The following VPS13B variants were observed in gnomAD, a reference collection of about 807,000 sequenced individuals.
The protein encoded by VPS13B is intermembrane lipid transfer protein VPS13B.
In VPS13B, 285 loss-of-function variants were observed where a neutral mutation model predicts 426.4. The ratio of observed to expected loss-of-function variants is 0.67; its 90% CI spans 0.61 to 0.74. The LOEUF (loss-of-function observed/expected upper bound fraction) is 0.74. VPS13B is among the 30% of genes least tolerant of loss of function. The pLI, the probability that VPS13B is intolerant of heterozygous loss-of-function variation, is 0.00. For missense variants in VPS13B, 4,537 were observed against 4,782.6 expected (o/e 0.95, Z 1.51); for synonymous variants, 1,676 against 1,676.4 (o/e 1.00, Z 0.01).
intron 14 of VPS13B, among the ~76,000 whole-genome samples, chr8:99,150,573 G>T (rs953794434): frequency 2.0e-5 from 3 of 152,132 alleles, no homozygotes; most frequent in Non-Finnish European, 4.4e-5. Flanking sequence ...GGCAACCACT[G>T]ATCTTTTTAC....
rs763771877 is a variant in VPS13B, at chr8:99,575,812, A to T, written c.5076+28A>T. On this transcript the variant is annotated intron_variant, in intron 32 of 61. Transcript: ENST00000357162. The stretch of plus-strand genomic sequence containing the variant: ...TAGAACATAATTTTGATTTTATTTT[A>T]GTCTAAATAATGGAATTGCTCCTCT... The T allele has an allele frequency of 3.1e-6, 5 of 1,606,268 alleles. No homozygotes were observed. In the African/African-American group the frequency reaches 5.4e-5, roughly 17 times the overall value.
At chr8:99,372,548 C>A (rs1259570150) in intron 19 of VPS13B, among the ~76,000 whole-genome samples, 4 of 152,102 alleles carry the variant, frequency 2.6e-5, no homozygotes, top group Non-Finnish European at 5.9e-5. Context: ...ATGTGGCCAA[C>A]AAACATATGA....
At chr8:99,268,798 G>T (rs1360095419) in intron 17 of VPS13B, among the ~76,000 whole-genome samples, 1 of 152,030 alleles carries the variant, frequency 6.6e-6, no homozygotes, top group Non-Finnish European at 1.5e-5. Flanking sequence ...ATGGGATTTT[G>T]GGGGGGCCAG....
chr8:99,311,257 A>T (rs1017817321), intron 19 of VPS13B, among the ~76,000 whole-genome samples: 1 of 151,898 alleles, frequency 6.6e-6, no homozygotes, highest in African/African-American at 2.4e-5. Context: ...TTTAATTGTG[A>T]TGTTACAGTG....
chr8:99,157,680 A>G (rs763525571), intron 15 of VPS13B, among the ~76,000 whole-genome samples: 7 of 152,226 alleles, frequency 4.6e-5, no homozygotes, highest in Non-Finnish European at 1.0e-4. Flanking sequence ...ACTCTACTTT[A>G]AATCAAAAGC....
At chr8:99,037,375 C>G (rs982654274) in intron 2 of VPS13B, among the ~76,000 whole-genome samples, 1 of 151,834 alleles carries the variant, frequency 6.6e-6, no homozygotes, top group African/African-American at 2.4e-5. Flanking sequence ...AGGTAGTATT[C>G]TAAGCTTTAT....
intron 27 of VPS13B, among the ~76,000 whole-genome samples, chr8:99,506,476 A>T (rs1034881195): frequency 1.3e-5 from 2 of 152,226 alleles, no homozygotes; most frequent in African/African-American, 4.8e-5. Context: ...AGATATTCAG[A>T]TAATTTATTA....
intron 32 of VPS13B, among the ~76,000 whole-genome samples, chr8:99,576,426 C>T (rs1825779437): frequency 6.6e-6 from 1 of 150,734 alleles, no homozygotes; most frequent in Admixed American, 6.6e-5. Flanking sequence ...TTTGTCAATA[C>T]TTGAGGAATA....
At chr8:99,540,048 TATATATATA>T (rs1563785048) in intron 30 of VPS13B, among the ~76,000 whole-genome samples, 1 of 5,232 alleles carries the variant, frequency 1.9e-4, no homozygotes, top group Non-Finnish European at 3.8e-4. Flanking sequence ...TATATATATA[TATATATATA>T]TATATATTTT....
chr8:99,310,610 T>C lies in VPS13B; in HGVS notation c.2824+35356T>C, dbSNP rs1440102410. Among the ~76,000 whole-genome samples the C allele has an allele frequency of 3.3e-5, 5 of 152,356 alleles. No individual in the cohort carries two copies. In the East Asian group the frequency reaches 9.6e-4, roughly 29 times the overall value. ...TTGCCAGTATTTTATTGAGGATTTT[T>C]GCATCAGTGTTCATCAGGGATATTG... On this transcript the variant is annotated intron_variant, in intron 19 of 61. Transcript: ENST00000357162.
In VPS13B at chr8:99,809,396, GGTTGGGGCAACTGGC is replaced by G. The variant is rs1554560677; in HGVS notation, c.7969_7983del (p.Gly2657_Trp2661del). 6.2e-7 allele frequency: 1 copy of G among 1,613,960 alleles called. No individual in the cohort carries two copies. Among genetic ancestry groups the G allele is most frequent in the Admixed American group, 1.7e-5 (1 of 60,014 alleles). ...CCAGCTGTTACACATCTGTATTGAA[GGTTGGGGCAACTGGC>G]GTTGGTCAGAGCCTTTCAGTGTGGA... is the stretch of plus-strand genomic sequence containing the variant. On this transcript the variant is annotated inframe_deletion, in exon 44 of 62. Coordinates refer to ENST00000357162, the MANE Select transcript of VPS13B (RefSeq NM_152564.5).
intron 5 of VPS13B, among the ~76,000 whole-genome samples, chr8:99,103,760 A>T (rs551840241): frequency 6.6e-6 from 1 of 151,970 alleles, no homozygotes; most frequent in African/African-American, 2.4e-5. Context: ...CCGCCTTCCA[A>T]AGTGCTGGGA....
intron 33 of VPS13B, among the ~76,000 whole-genome samples, chr8:99,606,139 C>T (rs182135905): frequency 1.9e-3 from 288 of 152,030 alleles, no homozygotes; most frequent in Non-Finnish European, 3.3e-3. Context: ...CTCCTGGGCT[C>T]GAGTGATCCA....
At chr8:99,164,365 T>C (rs970910860) in intron 15 of VPS13B, among the ~76,000 whole-genome samples, 2 of 152,156 alleles carry the variant, frequency 1.3e-5, no homozygotes, top group South Asian at 4.2e-4. Context: ...CAGAAGCCTT[T>C]TCCTGTAAAC....
chr8:99,562,765 G>T (rs1225939017), intron 31 of VPS13B, among the ~76,000 whole-genome samples: 1 of 152,084 alleles, frequency 6.6e-6, no homozygotes, highest in South Asian at 2.1e-4. Flanking sequence ...GTTTCCGGTT[G>T]TGCTGTCATC....
intron 54 of VPS13B, among the ~76,000 whole-genome samples, chr8:99,837,524 T>A (rs913798035): frequency 1.3e-5 from 2 of 152,298 alleles, no homozygotes; most frequent in African/African-American, 4.8e-5. Context: ...TTTTGGGGAT[T>A]CCCATTCACT....
intron 2 of VPS13B, among the ~76,000 whole-genome samples, chr8:99,028,365 G>A (rs1039964159): frequency 1.3e-5 from 2 of 150,160 alleles, no homozygotes; most frequent in Non-Finnish European, 3.0e-5. Flanking sequence ...CTCCCTCCCG[G>A]ATGGGGCGGC....
Position 99,610,364 on chromosome 8 carries a change from G to A in VPS13B, c.5221-31447G>A, listed in dbSNP as rs529808512. On this transcript the variant is annotated intron_variant, in intron 33 of 61. Coordinates refer to ENST00000357162, the MANE Select transcript of VPS13B (RefSeq NM_152564.5). ...CCAAATGCCCATCAATGATAGACCT[G>A]ATAAAGAAAACGTGGCACATGTACA... 1.3e-3 allele frequency among the ~76,000 whole-genome samples: 194 copies of A among 152,250 alleles called. 1 individual carries two copies. The highest frequency in any genetic ancestry group is 4.5e-3 in the African/African-American group (186 of 41,546).
intron 43 of VPS13B, among the ~76,000 whole-genome samples, chr8:99,798,640 G>A (rs1022600169): frequency 7.2e-5 from 11 of 152,102 alleles, no homozygotes; most frequent in South Asian, 2.1e-4. Context: ...AGTGCAAAGC[G>A]CCCAGAGGAA....
Sources: allele counts gnomAD v4.1 joint callset (sites outside exome capture counted in the v4.1 genomes callset), GRCh38; gene constraint gnomAD v4.1.1; transcripts MANE v1.5; gene names NCBI Gene and HGNC (gene_info 2026-07-23, HGNC 2026-07-21).